PPFIBP2: variants seen among roughly 807,000 people sequenced by gnomAD.
The protein encoded by PPFIBP2 is PPFIB scaffold protein 2, also known as liprin-beta-2.
Under a neutral mutation model 118.3 loss-of-function variants are expected in PPFIBP2, and 118 were observed. That is an observed-to-expected ratio of 1.00 (90% CI 0.86 to 1.16). The LOEUF (loss-of-function observed/expected upper bound fraction) is 1.16. PPFIBP2 is among the 50% of genes most tolerant of loss of function. The probability of loss-of-function intolerance (pLI) is 0.00; values close to 1 mark genes in which losing one functional copy is unlikely to be tolerated. For missense variants in PPFIBP2, 1,195 were observed against 1,073.1 expected (o/e 1.11, Z -1.59); for synonymous variants, 414 against 397.4 (o/e 1.04, Z -0.50).
downstream of PPFIBP2, among the ~76,000 whole-genome samples, chr11:7,655,975 G>A (rs531666178): frequency 1.3e-5 from 2 of 152,254 alleles, no homozygotes; most frequent in East Asian, 1.9e-4. Context: ...TGGCACGCCC[G>A]AAAGGACAAA....
chr11:7,655,570 G>A (rs1854607058), downstream of PPFIBP2: 2 of 1,178,488 alleles, frequency 1.7e-6, no homozygotes, highest in Non-Finnish European at 2.3e-6. Context: ...GTGGTGTGGT[G>A]TGGTATGCAC....
Position 7,581,988 on chromosome 11 carries a change from C to T in PPFIBP2, c.280-11144C>T, listed in dbSNP as rs796069764. Among the ~76,000 whole-genome samples the T allele has an allele frequency of 5.3e-5, 8 of 152,228 alleles. No homozygotes were observed. The East Asian group carries it at 9.7e-4, about 18-fold the overall frequency. ...AGTAGCTGGGATTACAGGCATACAC[C>T]GCCATGCCCAGCTAATTTTTTGTAT... On this transcript the variant is annotated intron_variant, in intron 3 of 23. Coordinates refer to ENST00000299492, the MANE Select transcript of PPFIBP2 (RefSeq NM_003621.5).
At chr11:7,626,933 C>G (rs1850095438) in intron 8 of PPFIBP2, among the ~76,000 whole-genome samples, 1 of 152,236 alleles carries the variant, frequency 6.6e-6, no homozygotes, top group Non-Finnish European at 1.5e-5. Flanking sequence ...GTGCTCGTCC[C>G]TCTCCGAGCT....
At chr11:7,615,751 T>C (rs963094147) in intron 6 of PPFIBP2, among the ~76,000 whole-genome samples, 5 of 152,194 alleles carry the variant, frequency 3.3e-5, no homozygotes, top group South Asian at 2.1e-4. Context: ...AAGTGATAGG[T>C]ACCTTGAGAG....
chr11:7,558,687 C>T (rs927093644), intron 2 of PPFIBP2, among the ~76,000 whole-genome samples: 1 of 151,108 alleles, frequency 6.6e-6, no homozygotes, highest in Non-Finnish European at 1.5e-5. Context: ...ACCTGGGAGG[C>T]GGAGGTTGCA....
the PPFIBP2 span, chr11:7,666,847 T>C: frequency 3.6e-6 from 1 of 278,714 alleles, no homozygotes; most frequent in Non-Finnish European, 6.9e-6. Flanking sequence ...CAGGATGGCT[T>C]CACTCGGAGC....
chr11:7,549,400 T>G, intron 1 of PPFIBP2, 40 bp from the exon 2 acceptor site: 1 of 1,522,516 alleles, frequency 6.6e-7, no homozygotes, highest in African/African-American at 1.4e-5. Context: ...AACATGGAAC[T>G]CTCTGTAATT....
intron 3 of PPFIBP2, among the ~76,000 whole-genome samples, chr11:7,569,934 C>T (rs1358214821): frequency 6.6e-6 from 1 of 152,154 alleles, no homozygotes; most frequent in African/African-American, 2.4e-5. Flanking sequence ...CCCAGAACCC[C>T]ACAGGTGGTC....
chr11:7,535,172 T>G (rs1851085912), intron 1 of PPFIBP2, among the ~76,000 whole-genome samples: 1 of 152,104 alleles, frequency 6.6e-6, no homozygotes, highest in Non-Finnish European at 1.5e-5. Context: ...CATGACAACA[T>G]GAAGCAGAAA....
At chr11:7,539,794 C>A (rs550627942) in intron 1 of PPFIBP2, among the ~76,000 whole-genome samples, 3 of 152,002 alleles carry the variant, frequency 2.0e-5, no homozygotes, top group Non-Finnish European at 2.9e-5. Context: ...GCAGGTAGAA[C>A]GAAGGACTTC....
At chr11:7,608,575 G>A (rs1001224223) in intron 5 of PPFIBP2, among the ~76,000 whole-genome samples, 5 of 152,244 alleles carry the variant, frequency 3.3e-5, no homozygotes, top group African/African-American at 9.6e-5. Context: ...GGGAGGTGGA[G>A]GTTGTGGTGA....
chr11:7,640,001 T>C lies in PPFIBP2; in HGVS notation c.1375+131T>C, dbSNP rs913347862. 2.2e-5 allele frequency: 29 copies of C among 1,325,328 alleles called. No homozygotes were observed. The African/African-American group carries it at 2.9e-4, about 13-fold the overall frequency. The allele number at this position is 1,325,328 out of a possible 1,614,324, so 82.1% of individuals were successfully genotyped here. The stretch of plus-strand genomic sequence containing the variant: ...TGGTGGGGTGGGTGGCTGGAACAAG[T>C]TGTACCTTGGGGTGGTCCCACCTCC... On this transcript the variant is annotated intron_variant, in intron 15 of 23. Coordinates refer to ENST00000299492, the MANE Select transcript of PPFIBP2 (RefSeq NM_003621.5).
In PPFIBP2 at chr11:7,587,480, C is replaced by T. The variant is rs140175235; in HGVS notation, c.280-5652C>T. Among the ~76,000 whole-genome samples the T allele has an allele frequency of 2.9e-4, 44 of 152,276 alleles. No homozygotes were observed. In the East Asian group the frequency reaches 8.5e-3, roughly 29 times the overall value. On this transcript the variant is annotated intron_variant, in intron 3 of 23. Coordinates refer to ENST00000299492, the MANE Select transcript of PPFIBP2 (RefSeq NM_003621.5). ...CACCTTTTGAGACAAATGTATTAACCAGAACTTTTGGTTGCAAATAACAGA... is the reference window on the plus strand; with the variant it reads ...CACCTTTTGAGACAAATGTATTAACTAGAACTTTTGGTTGCAAATAACAGA...
chr11:7,540,070 A>C (rs1851623091), intron 1 of PPFIBP2, among the ~76,000 whole-genome samples: 2 of 152,182 alleles, frequency 1.3e-5, no homozygotes, highest in Admixed American at 1.3e-4. Flanking sequence ...TGCAGGTCTG[A>C]CTACAGAACC....
At chr11:7,641,837 T>G (rs1852242472) in intron 16 of PPFIBP2, 3 of 576,730 alleles carry the variant, frequency 5.2e-6, no homozygotes, top group African/African-American at 1.9e-5. Flanking sequence ...TTTCATGTCA[T>G]GCATCCTAAG....
intron 5 of PPFIBP2, among the ~76,000 whole-genome samples, chr11:7,607,209 CTT>C (rs55981312): frequency 7.0e-4 from 84 of 119,934 alleles, no homozygotes; most frequent in East Asian, 2.0e-3. Context: ...CGCGCCCGGC[CTT>C]TTTTTTTTTT....
chr11:7,637,704 G>A (rs936290924), intron 14 of PPFIBP2, among the ~76,000 whole-genome samples: 23 of 152,216 alleles, frequency 1.5e-4, no homozygotes, highest in African/African-American at 5.1e-4. Flanking sequence ...TTTCCTCTGC[G>A]TCACGTCTTG....
chr11:7,652,803 A>G (rs923168677), intron 23 of PPFIBP2, among the ~76,000 whole-genome samples: 8 of 152,304 alleles, frequency 5.3e-5, no homozygotes, highest in African/African-American at 1.9e-4. Flanking sequence ...CAGGCATAGT[A>G]TTGGAGGGGC....
intron 3 of PPFIBP2, among the ~76,000 whole-genome samples, chr11:7,568,519 G>C (rs985939905): frequency 1.3e-5 from 2 of 152,204 alleles, no homozygotes; most frequent in Non-Finnish European, 2.9e-5. Context: ...TTCCCATTTA[G>C]CTGCAGTGGC....
Sources: allele counts gnomAD v4.1 joint callset (sites outside exome capture counted in the v4.1 genomes callset), GRCh38; gene constraint gnomAD v4.1.1; transcripts MANE v1.5; gene names NCBI Gene and HGNC (gene_info 2026-07-23, HGNC 2026-07-21).